The following SLC19A1 variants were observed in gnomAD, a reference collection of about 807,000 sequenced individuals.
SLC19A1 encodes the protein reduced folate transporter.
SLC19A1 carries 37 observed loss-of-function variants against 35.3 expected under a neutral mutation model. The ratio of observed to expected loss-of-function variants is 1.05; its 90% CI spans 0.81 to 1.38. The LOEUF (loss-of-function observed/expected upper bound fraction) is 1.38. SLC19A1 is among the 40% of genes most tolerant of loss of function. SLC19A1 has a pLI of 0.00. For synonymous variants in SLC19A1, 460 were observed against 398.5 expected (o/e 1.15, Z -1.84); for missense variants, 831 against 826.9 (o/e 1.00, Z -0.06).
chr21:45,555,077 C>G (rs1602955657), intron 1 of SLC19A1, among the ~76,000 whole-genome samples: 1 of 149,434 alleles, frequency 6.7e-6, no homozygotes. Flanking sequence ...CGGGGAGTGG[C>G]CACCAGGGGG....
At chr21:45,560,504 C>T (rs549439628) in intron 1 of SLC19A1, among the ~76,000 whole-genome samples, 7 of 152,250 alleles carry the variant, frequency 4.6e-5, no homozygotes, top group Admixed American at 1.3e-4. Flanking sequence ...GTCTTGGAGA[C>T]GCCATGTGGG....
chr21:45,505,286 A>G, intron 3 of SLC19A1: 2 of 1,606,680 alleles, frequency 1.2e-6, no homozygotes, highest in South Asian at 1.1e-5. Flanking sequence ...AGAGTAAGTC[A>G]GTGGGGAGTG....
chr21:45,546,268 T>C (rs2078414700), upstream of SLC19A1, among the ~76,000 whole-genome samples: 2 of 152,242 alleles, frequency 1.3e-5, no homozygotes, highest in African/African-American at 4.8e-5. Context: ...GAAGAAGCGT[T>C]GTCCCTGGCC....
Position 45,532,134 on chromosome 21 carries a change from G to A in SLC19A1, c.204C>T (p.Ile68=), listed in dbSNP as rs745732802. 1 of 1,600,238 alleles carries A rather than the reference G, an allele frequency of 6.2e-7. No individual in the cohort carries two copies. Among genetic ancestry groups the A allele is most frequent in the East Asian group, 2.2e-5 (1 of 44,630 alleles). Residue 68 remains isoleucine (I), a synonymous_variant, in exon 3 of 6, where the codon ATC becomes ATT. Transcript: ENST00000311124. ...GGTAGGAGTACGACAGCACCGGCGT[G>A]ATCTCGTTCGTGACCTGCGGACAGG... ...NFTREQVTNE[I]TPVLSYSYLA...
chr21:45,562,954 G>A (rs1404460443), exon 1 of SLC19A1, among the ~76,000 whole-genome samples: 1 of 152,230 alleles, frequency 6.6e-6, no homozygotes, highest in African/African-American at 2.4e-5. Context: ...ACGTGTGTAC[G>A]GATCTGTGCA....
At chr21:45,504,302 C>T (rs748894066) in intron 3 of SLC19A1, 72 of 1,115,512 alleles carry the variant, frequency 6.5e-5, no homozygotes, top group Non-Finnish European at 9.0e-5. Context: ...CAGCAGCTCC[C>T]AGGCCTGGGC....
upstream of SLC19A1, among the ~76,000 whole-genome samples, chr21:45,546,156 A>G (rs1253734458): frequency 6.6e-6 from 1 of 152,148 alleles, no homozygotes; most frequent in Non-Finnish European, 1.5e-5. Flanking sequence ...TGTGGCCCCC[A>G]TCCTCTCAGA....
chr21:45,506,201 G>A (rs1415696152), intron 3 of SLC19A1: 1 of 571,544 alleles, frequency 1.7e-6, no homozygotes, highest in East Asian at 3.2e-5. Flanking sequence ...GGCGTGTGAG[G>A]GGCTCCTGGT....
chr21:45,515,930 G>A lies in SLC19A1; in HGVS notation c.1504C>T (p.Leu502Phe). The A allele has an allele frequency of 6.5e-7, 1 of 1,540,852 alleles. No individual in the cohort carries two copies. Among genetic ancestry groups the A allele is most frequent in the Non-Finnish European group, 8.7e-7 (1 of 1,143,136 alleles). ...GGLQPAQSPP[L>F]SPEDSLGAVG... ...GCCCCCAGGCTGTCTTCTGGGGAAA[G>A]CGGCGGGCTCTGGGCTGGCTGCAGG... The change falls in exon 6 of 6, where the codon CTT (leucine) becomes TTT (phenylalanine). Residue 502 changes from leucine (L) to phenylalanine (F), a missense_variant. Physicochemically the swap from Leu to Phe is conservative, Grantham distance 22. Transcript: ENST00000311124.
Position 45,513,442 on chromosome 21 carries a change from C to T in SLC19A1, c.*2216G>A, listed in dbSNP as rs979785385. Reference sequence around the variant, plus strand: ...ACCCTCCTTGGGACTGAAGGGGAACCCCGGGGTGCCCACAGGCCGCCCTGC... The same window carrying T: ...ACCCTCCTTGGGACTGAAGGGGAACTCCGGGGTGCCCACAGGCCGCCCTGC... On this transcript the variant is annotated 3_prime_UTR_variant, in exon 6 of 6. Coordinates refer to ENST00000311124, the MANE Select transcript of SLC19A1 (RefSeq NM_194255.4). 6.6e-6 allele frequency: 1 copy of T among 152,230 alleles called. No individual in the cohort carries two copies. Among genetic ancestry groups the T allele is most frequent in the African/African-American group, 2.4e-5 (1 of 41,454 alleles). The allele number at this position is 152,230 out of a possible 1,614,324, so 9.4% of individuals were successfully genotyped here.
chr21:45,511,086 C>CAG (rs747751022), downstream of SLC19A1: 4 of 1,151,924 alleles, frequency 3.5e-6, no homozygotes, highest in East Asian at 1.1e-4. Flanking sequence ...ACACCACACA[C>CAG]ACATACACAC....
upstream of SLC19A1, among the ~76,000 whole-genome samples, chr21:45,548,896 T>G (rs2078438933): frequency 6.6e-6 from 1 of 152,214 alleles, no homozygotes; most frequent in Admixed American, 6.5e-5. Context: ...TTTAAGAAGC[T>G]GACAATACTA....
upstream of SLC19A1, among the ~76,000 whole-genome samples, chr21:45,545,083 A>G (rs1014807136): frequency 6.6e-6 from 1 of 152,198 alleles, no homozygotes; most frequent in Non-Finnish European, 1.5e-5. Context: ...TAATACATGG[A>G]CACACATGCA....
At chr21:45,505,374 C>A in intron 3 of SLC19A1, 1 of 1,592,646 alleles carries the variant, frequency 6.3e-7, no homozygotes, top group Non-Finnish European at 8.6e-7. Context: ...GCGTTCCCGG[C>A]CCTCCGGGCC....
chr21:45,525,423 C>T (rs1293653236), intron 5 of SLC19A1, among the ~76,000 whole-genome samples: 3 of 152,236 alleles, frequency 2.0e-5, no homozygotes, highest in East Asian at 3.9e-4. Flanking sequence ...CAGAGGCCTG[C>T]GCACTGACAC....
At position 45,532,210 on chromosome 21, in the gene SLC19A1, A is replaced by G. The variant is rs558447096; in HGVS notation, c.190-62T>C. On this transcript the variant is annotated intron_variant, in intron 2 of 5. Transcript: ENST00000311124. ...GCAATGCTGCCGCTGCGGCAGACAC[A>G]GCCCGCCCGAGGTGATGGCTGCTGA... 12 of 1,406,660 alleles carry G rather than the reference A, an allele frequency of 8.5e-6. No individual in the cohort carries two copies. In the African/African-American group the frequency reaches 1.7e-4, roughly 20 times the overall value. 87.1% of individuals were successfully genotyped at this position (1,406,660 alleles called of 1,614,324 possible).
downstream of SLC19A1, among the ~76,000 whole-genome samples, chr21:45,511,713 GGT>G (rs1474261187): frequency 2.0e-5 from 3 of 152,166 alleles, no homozygotes; most frequent in Non-Finnish European, 2.9e-5. Flanking sequence ...TGCATTTAGG[GGT>G]GTCTCGGGGT....
At chr21:45,537,039 T>A (rs1377579354) in intron 2 of SLC19A1, among the ~76,000 whole-genome samples, 1 of 152,186 alleles carries the variant, frequency 6.6e-6, no homozygotes. Flanking sequence ...TCCTCATGGC[T>A]GAGTAAAATG....
chr21:45,556,784 A>C (rs551015797), intron 1 of SLC19A1, among the ~76,000 whole-genome samples: 1 of 152,246 alleles, frequency 6.6e-6, no homozygotes, highest in East Asian at 1.9e-4. Flanking sequence ...CGTCCTCTGG[A>C]AGATCTTGGA....
Sources: allele counts gnomAD v4.1 joint callset (sites outside exome capture counted in the v4.1 genomes callset), GRCh38; gene constraint gnomAD v4.1.1; transcripts MANE v1.5; gene names NCBI Gene and HGNC (gene_info 2026-07-23, HGNC 2026-07-21).